NAT16: variants seen among roughly 807,000 people sequenced by gnomAD.
The protein encoded by NAT16 is N-acetyltransferase 16 (putative).
A neutral mutation model predicts 15.9 loss-of-function variants in NAT16; 16 were observed. The ratio of observed to expected loss-of-function variants is 1.01; its 90% CI spans 0.68 to 1.53. The LOEUF (loss-of-function observed/expected upper bound fraction) is 1.53. Ranked by LOEUF, NAT16 falls within the 40% of genes most tolerant of loss-of-function variation. NAT16 has a pLI of 0.00. For synonymous variants in NAT16, 260 were observed against 241.9 expected, an observed-to-expected ratio of 1.07 and a Z score of -0.69; for missense variants, 572 against 508.4, an observed-to-expected ratio of 1.13 and a Z score of -1.20.
chr7:101,173,465 C>G lies in NAT16; in HGVS notation c.368G>C (p.Gly123Ala), dbSNP rs780362510. ...IDAGETVLVEGLRVAPWERGK... is the reference protein window; with the variant it reads ...IDAGETVLVEALRVAPWERGK... ...GCGCTCCCAGGGCGCCACGCGCAGC[C>G]CCTCCACCAGCACCGTCTCCCCGGC... Residue 123 changes from glycine to alanine, a missense_variant, in exon 3 of 4, where the codon GGG becomes GCG. Gly to Ala is a moderately conservative substitution (Grantham distance 60). Coordinates refer to ENST00000300303, the MANE Select transcript of NAT16 (RefSeq NM_198571.3). 3 of 1,611,476 alleles carry G rather than the reference C, an allele frequency of 1.9e-6. No homozygotes were observed. Among genetic ancestry groups the G allele is most frequent in the Non-Finnish European group, 2.5e-6 (3 of 1,178,826 alleles).
rs761254836 is a variant in NAT16, at chr7:101,174,505, G to T, written c.303C>A (p.Asn101Lys). The T allele has an allele frequency of 3.1e-6, 5 of 1,611,896 alleles. No homozygotes were observed. Among genetic ancestry groups the T allele is most frequent in the Non-Finnish European group, 4.2e-6 (5 of 1,179,186 alleles). ...GTGCCCCCGGGCTCACCACGCCTCC[G>T]TTGCGCTTGGCCAGCACCACCGTGC... ...PDRTVVLAKR[N>K]GGVIALESVN... The change falls in exon 2 of 4, where the codon AAC becomes AAA. Residue 101 changes from asparagine (N) to lysine (K), a missense_variant. Transcript: ENST00000300303.
intron 1 of NAT16, among the ~76,000 whole-genome samples, chr7:101,179,727 CGGA>C (rs1797550443): frequency 6.7e-6 from 1 of 149,396 alleles, no homozygotes; most frequent in African/African-American, 2.5e-5. Context: ...GCCTCTACCC[CGGA>C]TTGGGGGCTT....
chr7:101,177,755 G>A (rs1562875977), intron 1 of NAT16, among the ~76,000 whole-genome samples: 1 of 152,176 alleles, frequency 6.6e-6, no homozygotes, highest in Non-Finnish European at 1.5e-5. Context: ...GGTGGGATAA[G>A]CTGATGAAGA....
intron 1 of NAT16, 44 bp from the exon 2 acceptor site, chr7:101,174,855 T>C: frequency 6.6e-7 from 1 of 1,507,274 alleles, no homozygotes; most frequent in Non-Finnish European, 8.8e-7. Context: ...AGCCCCTTTG[T>C]TTCCACATCT....
rs1174847070 is a variant in NAT16 at position 101,171,325 on chromosome 7, C to T, written c.*754G>A. ...AGTGCATCACCAGATGAACAAGGAC[C>T]CAAATGGGGGAGCATTCTAAATACA... On this transcript the variant is annotated 3_prime_UTR_variant, in exon 4 of 4. Coordinates refer to ENST00000300303, the MANE Select transcript of NAT16 (RefSeq NM_198571.3). The T allele has an allele frequency of 6.6e-6, 1 of 152,252 alleles. No individual in the cohort carries two copies. Among genetic ancestry groups the T allele is most frequent in the Non-Finnish European group, 1.5e-5 (1 of 68,058 alleles). The allele number at this position is 152,252 out of a possible 1,614,324, so 9.4% of individuals were successfully genotyped here. A position where few individuals can be genotyped will look rare whatever the true frequency, so the allele number is the denominator to read the frequency against.
At chr7:101,176,102 C>T (rs769793748) in intron 1 of NAT16, among the ~76,000 whole-genome samples, 4 of 152,172 alleles carry the variant, frequency 2.6e-5, no homozygotes, top group Non-Finnish European at 5.9e-5. Context: ...CAATCCCAGC[C>T]AGGGCCAAGG....
chr7:101,172,002 A>G lies in NAT16; in HGVS notation c.*77T>C, dbSNP rs1318649621. On this transcript the variant is annotated 3_prime_UTR_variant, in exon 4 of 4. Coordinates refer to ENST00000300303, the MANE Select transcript of NAT16 (RefSeq NM_198571.3). The surrounding 1 kb of genome is among the most constrained non-coding windows in gnomAD (Gnocchi z 4.2). ...CTTCCCAGGAGACGCAGCGTCGGAA[A>G]TGGCAGGAAAGAGGCTGGCTGGGGA... is the stretch of plus-strand genomic sequence containing the variant. 8.5e-6 allele frequency: 9 copies of G among 1,056,602 alleles called. No homozygotes were observed. Among genetic ancestry groups the G allele is most frequent in the Non-Finnish European group, 1.3e-5 (9 of 713,292 alleles). 65.5% of individuals were successfully genotyped at this position (1,056,602 alleles called of 1,614,324 possible). A position where few individuals can be genotyped will look rare whatever the true frequency, so the allele number is the denominator to read the frequency against.
chr7:101,176,516 A>G (rs1182058710), intron 1 of NAT16, among the ~76,000 whole-genome samples: 3 of 150,976 alleles, frequency 2.0e-5, no homozygotes, highest in Non-Finnish European at 3.0e-5. Context: ...AAAAAAAAAA[A>G]AAGAAGAAGA....
Position 101,172,410 on chromosome 7 carries a change from G to T in NAT16, c.779C>A (p.Ala260Glu), listed in dbSNP as rs760979596. 14 of 1,578,484 alleles carry T rather than the reference G, an allele frequency of 8.9e-6. No individual in the cohort carries two copies. The East Asian group carries it at 1.4e-4, about 16-fold the overall frequency. The change falls in exon 4 of 4, where the codon GCG becomes GAG. Residue 260 changes from alanine (A) to glutamate (E), a missense_variant. By Grantham distance (107) the Ala-to-Glu change is moderately radical. Transcript: ENST00000300303. This position sits in a 1 kb window ranked among gnomAD's most constrained non-coding sequence, Gnocchi z 4.2. ...CACGCGCCACTCCAGGCCCTTGGCC[G>T]CCAGCAGGCGCAGGTTGCTTTCGCT... ...RPSESNLRLL[A>E]AKGLEWRVDS...
intron 1 of NAT16, among the ~76,000 whole-genome samples, chr7:101,176,430 G>A (rs184112732): frequency 1.6e-3 from 249 of 151,630 alleles, no homozygotes; most frequent in Non-Finnish European, 2.4e-3. Flanking sequence ...GGGAGGTAGA[G>A]GTTGTAGTGA....
At position 101,173,529 on chromosome 7, in the gene NAT16, C is replaced by G. The variant is rs753527100; in HGVS notation, c.313-9G>C. 3.8e-6 allele frequency: 6 copies of G among 1,573,206 alleles called. No homozygotes were observed. Among genetic ancestry groups the G allele is most frequent in the East Asian group, 2.3e-5 (1 of 43,624 alleles). The stretch of plus-strand genomic sequence containing the variant: ...ACCGACTCCAGCGCGATCTGCGGAC[C>G]GAGGCCGTTAGCGCGGGGCCCTCCC... On this transcript the variant is annotated splice_polypyrimidine_tract_variant and intron_variant, in intron 2 of 3. Transcript: ENST00000300303.
In NAT16 at chr7:101,172,627, C is replaced by G. The variant is rs1310189813; in HGVS notation, c.562G>C (p.Ala188Pro). The change falls in exon 4 of 4, where the codon GCG becomes CCG. Residue 188 changes from alanine to proline, a missense_variant. Physicochemically the swap from Ala to Pro is conservative, Grantham distance 27 (BLOSUM62 -1). Transcript: ENST00000300303. This position sits in a 1 kb window ranked among gnomAD's most constrained non-coding sequence, Gnocchi z 4.2. ...KQGILLVRFN[A>P]SALLAGLGAR... ...CCCAGCCCGGCCAGCAGCGCGGACG[C>G]GTTGAATCGGACCAAAAGGATGCCC... 2.6e-6 allele frequency: 4 copies of G among 1,522,682 alleles called. No homozygotes were observed. The highest frequency in any genetic ancestry group is 3.5e-6 in the Non-Finnish European group (4 of 1,143,558). The allele number at this position is 1,522,682 out of a possible 1,614,324, so 94.3% of individuals were successfully genotyped here.
At position 101,172,888 on chromosome 7, in the gene NAT16, G is replaced by A. The variant is rs916850531; in HGVS notation, c.538-237C>T. On this transcript the variant is annotated intron_variant, in intron 3 of 3. Transcript: ENST00000300303. The surrounding 1 kb of genome is among the most constrained non-coding windows in gnomAD (Gnocchi z 4.2). ...CCAGTACGTGGATCCCCAAGAAGAG[G>A]TGGGATCAGTATGGAGTAGCCAGGG... Among the ~76,000 whole-genome samples the A allele has an allele frequency of 1.3e-5, 2 of 152,210 alleles. No homozygotes were observed. Among genetic ancestry groups the A allele is most frequent in the African/African-American group, 4.8e-5 (2 of 41,462 alleles).
chr7:101,173,621 C>T, intron 2 of NAT16, 101 bp from the exon 3 acceptor site: 2 of 1,094,086 alleles, frequency 1.8e-6, no homozygotes, highest in Non-Finnish European at 2.5e-6. Context: ...GAGCACTCCG[C>T]GTCACCACCC....
Position 101,174,672 on chromosome 7 carries a change from G to T in NAT16, c.136C>A (p.Pro46Thr). 6.2e-7 allele frequency: 1 copy of T among 1,613,944 alleles called. No homozygotes were observed. Residue 46 changes from proline to threonine, a missense_variant, in exon 2 of 4, where the codon CCT (proline) becomes ACT (threonine). Coordinates refer to ENST00000300303, the MANE Select transcript of NAT16 (RefSeq NM_198571.3). ...VEAEPRSGSG[P>T]EAEAEPLDFV... Reference sequence around the variant, plus strand: ...TCCAATGGCTCGGCCTCAGCCTCAGGCCCCGATCCCGACCTGGGCTCGGCC... The same window carrying T: ...TCCAATGGCTCGGCCTCAGCCTCAGTCCCCGATCCCGACCTGGGCTCGGCC...
chr7:101,178,910 A>AAAAAAAAAAG (rs1797530552), intron 1 of NAT16, among the ~76,000 whole-genome samples: 1 of 149,608 alleles, frequency 6.7e-6, no homozygotes. Flanking sequence ...AAAAAAAAAA[A>AAAAAAAAAAG]GAGGAATAAC....
At chr7:101,175,921 CAAAAA>C (rs34778981) in intron 1 of NAT16, among the ~76,000 whole-genome samples, 1 of 144,600 alleles carries the variant, frequency 6.9e-6, no homozygotes. Context: ...GAACCTGTGT[CAAAAA>C]AAAAAAAAAA....
rs746511872 is a variant in NAT16 at position 101,173,299 on chromosome 7, C to G, written c.534G>C (p.Lys178Asn). Residue 178 changes from lysine to asparagine, a missense_variant, in exon 3 of 4, where the codon AAG becomes AAC. By Grantham distance (94) the Lys-to-Asn change is moderately conservative. Transcript: ENST00000300303. ...RELKKYRLIT[K>N]QGILLVRFNA... ...CCGAGCTCCCTGTCCTTCTCACCTGCTTGGTGATTAGGCGGTATTTCTTCA... is the reference window on the plus strand; with the variant it reads ...CCGAGCTCCCTGTCCTTCTCACCTGGTTGGTGATTAGGCGGTATTTCTTCA... 56 of 1,613,504 alleles carry G rather than the reference C, an allele frequency of 3.5e-5. No individual in the cohort carries two copies. Among genetic ancestry groups the G allele is most frequent in the Non-Finnish European group, 4.7e-5 (55 of 1,179,738 alleles).
At chr7:101,177,738 G>A (rs1248711295) in intron 1 of NAT16, among the ~76,000 whole-genome samples, 6 of 152,294 alleles carry the variant, frequency 3.9e-5, no homozygotes, top group Non-Finnish European at 1.5e-5. Context: ...AGGAGTTGAA[G>A]GGCCCAGGTG....
Sources: gnomAD v4.1 joint callset for allele counts (sites outside exome capture counted in the v4.1 genomes callset) on GRCh38, gnomAD v4.1.1 for gene constraint, Gnocchi (gnomAD v3.1) non-coding constraint, MANE v1.5 for transcripts, NCBI Gene and HGNC (gene_info 2026-07-23, HGNC 2026-07-21) for gene names.